The following NR3C2 variants were observed in gnomAD, a reference collection of about 807,000 sequenced individuals.
NR3C2 encodes the protein mineralocorticoid receptor.
A neutral mutation model predicts 86.4 loss-of-function variants in NR3C2; 15 were observed. The ratio of observed to expected loss-of-function variants is 0.17; its 90% CI spans 0.12 to 0.27. NR3C2 has a LOEUF of 0.27. Ranked by LOEUF, NR3C2 falls within the 10% of genes least tolerant of loss-of-function variation. NR3C2 has a pLI of 1.00. For missense variants in NR3C2, 960 were observed against 1,195.6 expected, an observed-to-expected ratio of 0.80 and a Z score of 2.91; for synonymous variants, 458 against 450.5, an observed-to-expected ratio of 1.02 and a Z score of -0.21.
At chr4:148,349,116 T>C (rs1391981407) in intron 2 of NR3C2, among the ~76,000 whole-genome samples, 6 of 152,164 alleles carry the variant, frequency 3.9e-5, no homozygotes, top group Admixed American at 1.3e-4. Context: ...ATTTGTTTCA[T>C]AGCAGTGGCA....
At chr4:148,264,453 A>G (rs1740278043) in intron 2 of NR3C2, among the ~76,000 whole-genome samples, 1 of 152,206 alleles carries the variant, frequency 6.6e-6, no homozygotes, top group Admixed American at 6.5e-5. Context: ...TTGTATGTCA[A>G]AATTCAACTT....
chr4:148,156,278 G>A (rs1465936759), intron 4 of NR3C2, among the ~76,000 whole-genome samples: 4 of 152,240 alleles, frequency 2.6e-5, no homozygotes, highest in South Asian at 2.1e-4. Flanking sequence ...TAATTAAACT[G>A]AAGAGCTTCT....
At position 148,174,886 on chromosome 4, in the gene NR3C2, C is replaced by T. The variant is rs73853784; in HGVS notation, c.2014+19860G>A. On this transcript the variant is annotated intron_variant, in intron 4 of 8. Coordinates refer to ENST00000358102, the MANE Select transcript of NR3C2 (RefSeq NM_000901.5). ...GATATCGGACCTACCTTAATCTTCA[C>T]GTTTTAAGTGCTCTACTCCAAATGT... is the stretch of plus-strand genomic sequence containing the variant. Among the ~76,000 whole-genome samples, 844 of 152,278 alleles carry T rather than the reference C, an allele frequency of 5.5e-3. 10 individuals are homozygous for T. Among genetic ancestry groups the T allele is most frequent in the African/African-American group, 0.019 (797 of 41,542 alleles).
Position 148,081,237 on chromosome 4 carries a change from C to G in NR3C2, c.*107G>C. ...ACTTTAAACTTGAGAAACTGTTGAA[C>G]AAGTGTGAATCAACCATCACATGTT... On this transcript the variant is annotated 3_prime_UTR_variant, in exon 9 of 9. Transcript: ENST00000358102. 1.4e-6 allele frequency: 2 copies of G among 1,424,508 alleles called. No homozygotes were observed. The highest frequency in any genetic ancestry group is 2.3e-5 in the East Asian group (1 of 43,200). 88.2% of individuals were successfully genotyped at this position (1,424,508 alleles called of 1,614,324 possible). A position where few individuals can be genotyped will look rare whatever the true frequency, so the allele number is the denominator to read the frequency against.
At chr4:148,405,992 G>A (rs1217640078) in intron 2 of NR3C2, among the ~76,000 whole-genome samples, 2 of 151,964 alleles carry the variant, frequency 1.3e-5, no homozygotes, top group African/African-American at 4.8e-5. Context: ...AAGGGTTTTG[G>A]GTTTTTAAAA....
chr4:148,295,288 A>G (rs182278685), intron 2 of NR3C2, among the ~76,000 whole-genome samples: 1 of 151,994 alleles, frequency 6.6e-6, no homozygotes, highest in African/African-American at 2.4e-5. Flanking sequence ...AGAAAAATGA[A>G]GAAAACATAA....
At chr4:148,162,108 A>C (rs7694200) in intron 4 of NR3C2, among the ~76,000 whole-genome samples, 1 of 152,006 alleles carries the variant, frequency 6.6e-6, no homozygotes, top group Non-Finnish European at 1.5e-5. Flanking sequence ...CCTAAGAGGA[A>C]AGTCCCTTAG....
At chr4:148,182,277 A>T (rs1037529216) in intron 4 of NR3C2, among the ~76,000 whole-genome samples, 1 of 152,192 alleles carries the variant, frequency 6.6e-6, no homozygotes, top group Non-Finnish European at 1.5e-5. Context: ...TCTCTTTTTT[A>T]AGTGTAAGAT....
In NR3C2 at chr4:148,114,128, G is replaced by C; in HGVS notation, c.2775C>G (p.Thr925=). ...CGTCATGCATGGAGTCCAGCAGCTTGGTCAGTTGGTAGAACCTCTGCCAGC... is the reference window on the plus strand; with the variant it reads ...CGTCATGCATGGAGTCCAGCAGCTTCGTCAGTTGGTAGAACCTCTGCCAGC... The part of the protein sequence containing the change: ...GQSWQRFYQL[T]KLLDSMHDLV... Residue 925 remains threonine (T), a synonymous_variant, in exon 8 of 9, where the codon ACC becomes ACG. Transcript: ENST00000358102. The C allele has an allele frequency of 3.1e-6, 5 of 1,613,558 alleles. No homozygotes were observed. The highest frequency in any genetic ancestry group is 4.2e-6 in the Non-Finnish European group (5 of 1,179,852).
intron 2 of NR3C2, among the ~76,000 whole-genome samples, chr4:148,343,437 C>T (rs1744847630): frequency 8.6e-6 from 1 of 116,826 alleles, no homozygotes; most frequent in South Asian, 2.9e-4. Flanking sequence ...TGTACTTAAA[C>T]TTCAAGGGCA....
intron 2 of NR3C2, among the ~76,000 whole-genome samples, chr4:148,317,761 C>G (rs13108130): frequency 6.6e-6 from 1 of 151,430 alleles, no homozygotes; most frequent in South Asian, 2.1e-4. Context: ...AATAGATCTG[C>G]AGAAAAAGCT....
chr4:148,357,517 T>C (rs1745608297), intron 2 of NR3C2, among the ~76,000 whole-genome samples: 2 of 152,104 alleles, frequency 1.3e-5, no homozygotes, highest in South Asian at 4.1e-4. Flanking sequence ...CTCCCCCAAG[T>C]CATAACTTCA....
At chr4:148,356,636 GA>G (rs1237707739) in intron 2 of NR3C2, among the ~76,000 whole-genome samples, 2 of 152,112 alleles carry the variant, frequency 1.3e-5, no homozygotes, top group Non-Finnish European at 2.9e-5. Flanking sequence ...CAATCAAAAA[GA>G]CAGCTTCTTA....
At chr4:148,110,044 G>A (rs1177903630) in intron 8 of NR3C2, among the ~76,000 whole-genome samples, 1 of 152,196 alleles carries the variant, frequency 6.6e-6, no homozygotes, top group Non-Finnish European at 1.5e-5. Context: ...TTCTAGTAGA[G>A]TAAGGATTCT....
intron 2 of NR3C2, among the ~76,000 whole-genome samples, chr4:148,340,739 A>C (rs1277184025): frequency 6.6e-6 from 1 of 152,140 alleles, no homozygotes; most frequent in African/African-American, 2.4e-5. Context: ...AGGGATTAAT[A>C]ATCAGAATAT....
chr4:148,306,275 A>G (rs1742618261), intron 2 of NR3C2, among the ~76,000 whole-genome samples: 2 of 152,200 alleles, frequency 1.3e-5, no homozygotes, highest in African/African-American at 2.4e-5. Context: ...CATATCACTC[A>G]GCTACAAATT....
rs1432346963 is a variant in NR3C2, at chr4:148,331,594, A to T, written c.1758-71477T>A. ...CTTTTTCTTCTACACTTATGTAAAA[A>T]TTCTACAAATCCTATGAAAAACTGC... On this transcript the variant is annotated intron_variant, in intron 2 of 8. Coordinates refer to ENST00000358102, the MANE Select transcript of NR3C2 (RefSeq NM_000901.5). Among the ~76,000 whole-genome samples, 3 of 152,264 alleles carry T rather than the reference A, an allele frequency of 2.0e-5. No homozygotes were observed. The East Asian group carries it at 5.8e-4, about 29-fold the overall frequency.
At chr4:148,248,937 C>G (rs1173326391) in intron 3 of NR3C2, among the ~76,000 whole-genome samples, 1 of 152,156 alleles carries the variant, frequency 6.6e-6, no homozygotes, top group Non-Finnish European at 1.5e-5. Flanking sequence ...CTTTCTAACT[C>G]AGAGATGGGC....
At chr4:148,244,152 G>A (rs1041371648) in intron 3 of NR3C2, among the ~76,000 whole-genome samples, 1 of 152,096 alleles carries the variant, frequency 6.6e-6, no homozygotes, top group African/African-American at 2.4e-5. Context: ...GACTTCTTTT[G>A]TTTAAAACGC....
Sources: gnomAD v4.1 joint callset for allele counts (sites outside exome capture counted in the v4.1 genomes callset) on GRCh38, gnomAD v4.1.1 for gene constraint, MANE v1.5 for transcripts, NCBI Gene and HGNC (gene_info 2026-07-23, HGNC 2026-07-21) for gene names.